B3GALT1: variants seen among roughly 807,000 people sequenced by gnomAD.
B3GALT1 encodes the protein beta-1,3-galactosyltransferase 1.
Under a neutral mutation model 23.2 loss-of-function variants are expected in B3GALT1, and 10 were observed. That is an observed-to-expected ratio of 0.43 (90% CI 0.27 to 0.73). B3GALT1 has a LOEUF of 0.73. Among genes scored for constraint, B3GALT1 ranks in the 30% least tolerant of loss-of-function variants. The pLI, the probability that B3GALT1 is intolerant of heterozygous loss-of-function variation, is 0.21. For synonymous variants in B3GALT1, 156 were observed against 141.5 expected (o/e 1.10, Z -0.73); for missense variants, 299 against 405.4 (o/e 0.74, Z 2.25).
intron 3 of B3GALT1, among the ~76,000 whole-genome samples, chr2:167,698,892 TC>T (rs1489595200): frequency 6.6e-6 from 1 of 152,228 alleles, no homozygotes; most frequent in East Asian, 1.9e-4. Flanking sequence ...TGAATTTTTC[TC>T]TACTTATCAT....
chr2:167,305,517 TA>T (rs1458247091), intron 1 of B3GALT1, among the ~76,000 whole-genome samples: 1 of 152,168 alleles, frequency 6.6e-6, no homozygotes, highest in Non-Finnish European at 1.5e-5. Flanking sequence ...GTTGCTAATT[TA>T]AAATGTATGT....
At chr2:167,677,570 C>T (rs767238850) in intron 3 of B3GALT1, among the ~76,000 whole-genome samples, 1 of 152,128 alleles carries the variant, frequency 6.6e-6, no homozygotes, top group African/African-American at 2.4e-5. Flanking sequence ...GGCTGTGATC[C>T]CAGAACCCCT....
chr2:167,454,718 G>T (rs1354193896), intron 1 of B3GALT1, among the ~76,000 whole-genome samples: 1 of 152,130 alleles, frequency 6.6e-6, no homozygotes, highest in Non-Finnish European at 1.5e-5. Flanking sequence ...ATTCCCATCT[G>T]TTATCTCCTT....
At chr2:167,678,836 T>C (rs1686474307) in intron 3 of B3GALT1, among the ~76,000 whole-genome samples, 1 of 152,226 alleles carries the variant, frequency 6.6e-6, no homozygotes, top group Admixed American at 6.5e-5. Flanking sequence ...CGTAAGTATA[T>C]TAAACATGCT....
intron 3 of B3GALT1, among the ~76,000 whole-genome samples, chr2:167,725,096 G>T (rs1320341599): frequency 6.6e-6 from 1 of 152,202 alleles, no homozygotes; most frequent in Non-Finnish European, 1.5e-5. Flanking sequence ...GTATGTTCCA[G>T]CAGGGGCATT....
At chr2:167,531,411 C>G (rs2105368018) in intron 2 of B3GALT1, among the ~76,000 whole-genome samples, 1 of 152,080 alleles carries the variant, frequency 6.6e-6, no homozygotes, top group Middle Eastern at 3.4e-3. Flanking sequence ...GTTAGAGTAA[C>G]CCAAATGATC....
chr2:167,622,138 A>G (rs985472947), intron 2 of B3GALT1, among the ~76,000 whole-genome samples: 2 of 151,958 alleles, frequency 1.3e-5, no homozygotes, highest in Non-Finnish European at 2.9e-5. Context: ...TCTCCTCCAC[A>G]TGTCTGTGTT....
intron 1 of B3GALT1, among the ~76,000 whole-genome samples, chr2:167,426,899 G>A (rs1418375705): frequency 2.6e-5 from 4 of 152,168 alleles, no homozygotes; most frequent in African/African-American, 9.7e-5. Context: ...ATGCTTATGT[G>A]CTACAGAATA....
chr2:167,345,785 C>T (rs1697215702), intron 1 of B3GALT1, among the ~76,000 whole-genome samples: 1 of 152,120 alleles, frequency 6.6e-6, no homozygotes, highest in African/African-American at 2.4e-5. Flanking sequence ...CTTAAGTGCT[C>T]TAGGACAACA....
intron 3 of B3GALT1, among the ~76,000 whole-genome samples, chr2:167,803,807 G>A (rs1032988365): frequency 4.0e-5 from 6 of 151,670 alleles, no homozygotes; most frequent in African/African-American, 7.3e-5. Flanking sequence ...TCACACTCTC[G>A]TTCTGTCACA....
intron 1 of B3GALT1, among the ~76,000 whole-genome samples, chr2:167,478,128 G>T (rs1444880586): frequency 6.6e-6 from 1 of 152,186 alleles, no homozygotes; most frequent in Non-Finnish European, 1.5e-5. Context: ...CTTTAGAGTG[G>T]ATACATTTAG....
chr2:167,335,914 A>G (rs1421310824), intron 1 of B3GALT1, among the ~76,000 whole-genome samples: 1 of 152,138 alleles, frequency 6.6e-6, no homozygotes, highest in Non-Finnish European at 1.5e-5. Context: ...CCCCTATTCA[A>G]GATGGAATTC....
At chr2:167,837,885 G>C (rs1394236692) in intron 4 of B3GALT1, among the ~76,000 whole-genome samples, 1 of 151,954 alleles carries the variant, frequency 6.6e-6, no homozygotes, top group Non-Finnish European at 1.5e-5. Flanking sequence ...ACTCAAAACC[G>C]CTCAACTACA....
At chr2:167,352,738 A>G (rs1306825933) in intron 1 of B3GALT1, among the ~76,000 whole-genome samples, 2 of 151,670 alleles carry the variant, frequency 1.3e-5, no homozygotes, top group Non-Finnish European at 2.9e-5. Flanking sequence ...AAAAAAAACA[A>G]ACAAACTGTA....
intron 2 of B3GALT1, among the ~76,000 whole-genome samples, chr2:167,544,254 C>T (rs1207366174): frequency 6.6e-6 from 1 of 152,124 alleles, no homozygotes; most frequent in Non-Finnish European, 1.5e-5. Flanking sequence ...AGGTACATTG[C>T]TGCCCTTAAA....
intron 3 of B3GALT1, among the ~76,000 whole-genome samples, chr2:167,774,532 C>T (rs1688129739): frequency 8.9e-6 from 1 of 112,354 alleles, no homozygotes; most frequent in Non-Finnish European, 1.7e-5. Flanking sequence ...GAGTCTTGCT[C>T]TGTCACCCAG....
intron 1 of B3GALT1, among the ~76,000 whole-genome samples, chr2:167,351,217 C>T (rs113037202): frequency 0.014 from 2,140 of 148,852 alleles, 60 homozygotes; most frequent in African/African-American, 0.05. Flanking sequence ...TGCAGTGAGC[C>T]GAGATCGCAT....
intron 3 of B3GALT1, among the ~76,000 whole-genome samples, chr2:167,709,159 T>C (rs1687013640): frequency 1.3e-5 from 2 of 152,180 alleles, no homozygotes; most frequent in Non-Finnish European, 2.9e-5. Flanking sequence ...TACCTGGTGA[T>C]GTGTGCTTGA....
chr2:167,713,371 T>C (rs541052414), intron 3 of B3GALT1, among the ~76,000 whole-genome samples: 15 of 152,284 alleles, frequency 9.9e-5, no homozygotes, highest in African/African-American at 3.6e-4. Flanking sequence ...CAAAATGAAG[T>C]GAAAATTCTA....
Sources: gnomAD v4.1 joint callset for allele counts (sites outside exome capture counted in the v4.1 genomes callset) on GRCh38, gnomAD v4.1.1 for gene constraint, MANE v1.5 for transcripts, NCBI Gene and HGNC (gene_info 2026-07-23, HGNC 2026-07-21) for gene names.